RCBTB1: variants seen among roughly 807,000 people sequenced by gnomAD.
RCBTB1 encodes the protein RCC1 and BTB domain containing protein 1.
In RCBTB1, 46 loss-of-function variants were observed where a neutral mutation model predicts 62.4. The ratio of observed to expected loss-of-function variants is 0.74; its 90% CI spans 0.58 to 0.94. RCBTB1 has a LOEUF of 0.94. Ranked by LOEUF, RCBTB1 falls within the 40% of genes least tolerant of loss-of-function variation. RCBTB1 has a pLI of 0.00. For synonymous variants in RCBTB1, 222 were observed against 245.8 expected (o/e 0.90, Z 0.91); for missense variants, 565 against 654.9 (o/e 0.86, Z 1.50).
chr13:49,568,351 C>A (rs1251766627), intron 2 of RCBTB1, among the ~76,000 whole-genome samples: 1 of 152,144 alleles, frequency 6.6e-6, no homozygotes, highest in Admixed American at 6.5e-5. Context: ...CAATTGTTGC[C>A]TGCACATTAT....
In RCBTB1 at chr13:49,533,838, A is replaced by C. The variant is rs1375375249; in HGVS notation, c.*284T>G. The C allele has an allele frequency of 8.4e-6, 2 of 238,776 alleles. No individual in the cohort carries two copies. The highest frequency in any genetic ancestry group is 1.6e-5 in the Non-Finnish European group (2 of 125,072). 14.8% of individuals were successfully genotyped at this position (238,776 alleles called of 1,614,324 possible). On this transcript the variant is annotated 3_prime_UTR_variant, in exon 13 of 13. Transcript: ENST00000378302. ...AGTTCCTCTAATCAAAAATGAAAAGAAGACCAAAAACGACTAACTTTCACC... is the reference window on the plus strand; with the variant it reads ...AGTTCCTCTAATCAAAAATGAAAAGCAGACCAAAAACGACTAACTTTCACC...
chr13:49,538,776 T>TA (rs1960119393), intron 12 of RCBTB1, among the ~76,000 whole-genome samples: 2 of 151,896 alleles, frequency 1.3e-5, no homozygotes, highest in Non-Finnish European at 2.9e-5. Flanking sequence ...CACACACATA[T>TA]ATATATATGC....
At chr13:49,545,148 G>C (rs948742982) in intron 9 of RCBTB1, among the ~76,000 whole-genome samples, 1 of 152,110 alleles carries the variant, frequency 6.6e-6, no homozygotes, top group Non-Finnish European at 1.5e-5. Context: ...AAAAATTATA[G>C]GTACTTCATG....
At chr13:49,550,848 T>A (rs995586346) in intron 8 of RCBTB1, among the ~76,000 whole-genome samples, 1 of 152,088 alleles carries the variant, frequency 6.6e-6, no homozygotes, top group African/African-American at 2.4e-5. Flanking sequence ...ATGCCTATAA[T>A]CCCAGCACTT....
intron 3 of RCBTB1, 152 bp from the exon 4 acceptor site, chr13:49,566,920 G>C: frequency 1.2e-6 from 1 of 844,426 alleles, no homozygotes; most frequent in African/African-American, 1.7e-5. Flanking sequence ...AACCTCTGTG[G>C]ACATTGCTTA....
chr13:49,580,683 T>C (rs1025151154), intron 1 of RCBTB1, 99 bp from the exon 2 acceptor site: 3 of 152,236 alleles, frequency 2.0e-5, no homozygotes, highest in African/African-American at 7.2e-5. Context: ...AATCTAAATA[T>C]GGTTTCATGA....
intron 4 of RCBTB1, among the ~76,000 whole-genome samples, chr13:49,564,828 A>G (rs1380557631): frequency 6.7e-6 from 1 of 150,180 alleles, no homozygotes; most frequent in African/African-American, 2.5e-5. Context: ...GAGGTGGAGC[A>G]TGCAGTGAGC....
At chr13:49,584,791 A>T (rs527860400) in intron 1 of RCBTB1, among the ~76,000 whole-genome samples, 3 of 152,332 alleles carry the variant, frequency 2.0e-5, no homozygotes, top group Admixed American at 2.0e-4. Context: ...AGTGTCTTAC[A>T]TGCAAATAAA....
intron 5 of RCBTB1, among the ~76,000 whole-genome samples, chr13:49,555,948 G>C (rs1204675656): frequency 2.0e-5 from 3 of 152,028 alleles, no homozygotes; most frequent in African/African-American, 7.2e-5. Flanking sequence ...ACCAAAGCTG[G>C]TAAGTAGCGC....
In RCBTB1 at chr13:49,560,224, G is replaced by A; in HGVS notation, c.278-140C>T. The stretch of plus-strand genomic sequence containing the variant: ...CCCTCCTCTCTATTAAGTAACCATG[G>A]ACAGAGTAAAGGAGAGAGAGATGGG... On this transcript the variant is annotated intron_variant, in intron 4 of 12. Transcript: ENST00000378302. 3 of 828,346 alleles carry A rather than the reference G, an allele frequency of 3.6e-6. No individual in the cohort carries two copies. In the South Asian group the frequency reaches 5.6e-5, roughly 15 times the overall value. The allele number at this position is 828,346 out of a possible 1,614,324, so 51.3% of individuals were successfully genotyped here.
intron 4 of RCBTB1, among the ~76,000 whole-genome samples, chr13:49,563,061 A>T (rs1962577857): frequency 6.6e-6 from 1 of 151,834 alleles, no homozygotes; most frequent in Admixed American, 6.6e-5. Flanking sequence ...AAAATAAAAA[A>T]AAGATCCTTG....
chr13:49,534,178 G>A lies in RCBTB1; in HGVS notation c.1540C>T (p.Pro514Ser), dbSNP rs745694838. The A allele has an allele frequency of 8.1e-6, 13 of 1,613,912 alleles. No homozygotes were observed. Among genetic ancestry groups the A allele is most frequent in the African/African-American group, 1.3e-5 (1 of 74,878 alleles). The change falls in exon 13 of 13, where the codon CCT becomes TCT. Residue 514 changes from proline to serine, a missense_variant. Transcript: ENST00000378302. ...QTAAFWQMDG[P>S]LLKEFIAKAS... ...TTAGCAATGAATTCCTTTAGCAGAGGGCCATCCATTTGCCAAAATGCTGCA... is the reference window on the plus strand; with the variant it reads ...TTAGCAATGAATTCCTTTAGCAGAGAGCCATCCATTTGCCAAAATGCTGCA...
chr13:49,542,697 C>A (rs1960480842), intron 10 of RCBTB1, among the ~76,000 whole-genome samples: 1 of 151,892 alleles, frequency 6.6e-6, no homozygotes, highest in Non-Finnish European at 1.5e-5. Flanking sequence ...GTCAAAACAG[C>A]CATCACTCCT....
At chr13:49,543,862 T>C (rs1020397512) in intron 10 of RCBTB1, among the ~76,000 whole-genome samples, 10 of 152,176 alleles carry the variant, frequency 6.6e-5, no homozygotes, top group African/African-American at 2.2e-4. Context: ...ATTTTTTCTA[T>C]TTTTTGTAGA....
intron 4 of RCBTB1, among the ~76,000 whole-genome samples, chr13:49,560,293 C>A (rs1316122620): frequency 6.6e-6 from 1 of 151,974 alleles, no homozygotes; most frequent in Non-Finnish European, 1.5e-5. Flanking sequence ...AAAGAAAAAA[C>A]TTGGTAATAA....
At chr13:49,555,470 T>C (rs1431369265) in intron 6 of RCBTB1, 45 bp downstream of exon 6, 4 of 1,502,304 alleles carry the variant, frequency 2.7e-6, no homozygotes, top group East Asian at 2.3e-5. Context: ...TGACGTGTAA[T>C]TGAAAAAGAA....
chr13:49,535,567 G>C (rs1464330523), intron 12 of RCBTB1, among the ~76,000 whole-genome samples: 1 of 72,762 alleles, frequency 1.4e-5, no homozygotes, highest in Non-Finnish European at 4.7e-5. Flanking sequence ...GGGAATGTTA[G>C]ACAGAGTGGA....
intron 9 of RCBTB1, among the ~76,000 whole-genome samples, chr13:49,548,061 G>A (rs1021570532): frequency 2.6e-5 from 4 of 152,086 alleles, no homozygotes; most frequent in South Asian, 2.1e-4. Flanking sequence ...TTACAGGTGT[G>A]AGCCACCACA....
chr13:49,583,739 G>C (rs1035798949), intron 1 of RCBTB1, among the ~76,000 whole-genome samples: 25 of 151,952 alleles, frequency 1.6e-4, no homozygotes, highest in African/African-American at 6.0e-4. Flanking sequence ...GTAGAGACGG[G>C]GTTTCACCAT....
Sources: gnomAD v4.1 joint callset for allele counts (sites outside exome capture counted in the v4.1 genomes callset) on GRCh38, gnomAD v4.1.1 for gene constraint, MANE v1.5 for transcripts, NCBI Gene and HGNC (gene_info 2026-07-23, HGNC 2026-07-21) for gene names.